The following CTBS variants were observed in gnomAD, a reference collection of about 807,000 sequenced individuals.
CTBS encodes chitobiase.
Under a neutral mutation model 44.3 loss-of-function variants are expected in CTBS, and 35 were observed. The observed-to-expected ratio is 0.79, with a 90% CI of 0.60 to 1.05. The LOEUF (loss-of-function observed/expected upper bound fraction) is 1.05. CTBS is among the 50% of genes least tolerant of loss of function. The probability of loss-of-function intolerance (pLI) is 0.00; values close to 1 mark genes in which losing one functional copy is unlikely to be tolerated. For missense variants in CTBS, 458 were observed against 475.3 expected (o/e 0.96, Z 0.34); for synonymous variants, 143 against 168.0 (o/e 0.85, Z 1.15).
At position 84,560,093 on chromosome 1, in the gene CTBS, AAAAAAAAGAAAGAAAG is replaced by A. The variant is rs1457791635; in HGVS notation, c.957+3148_957+3163del. On this transcript the variant is annotated intron_variant, in intron 6 of 6. Transcript: ENST00000370630. ...AGCAAGACTCTGTCTCAAAAAAAAAAAAAAAAAGAAAGAAAGAAAGAAAGAAAGAAAGAAAGAAAGG... is the reference window on the plus strand; with the variant it reads ...AGCAAGACTCTGTCTCAAAAAAAAAAAAAGAAAGAAAGAAAGAAAGAAAGG... Among the ~76,000 whole-genome samples the A allele has an allele frequency of 3.1e-5, 4 of 131,138 alleles. 1 individual carries two copies. The Middle Eastern group carries it at 0.011, about 375-fold the overall frequency. The allele number at this position is 131,138 out of a possible 152,430, so 86.0% of individuals were successfully genotyped here. A position where few individuals can be genotyped will look rare whatever the true frequency, so the allele number is the denominator to read the frequency against.
At chr1:84,557,874 G>A (rs899861591) in intron 6 of CTBS, among the ~76,000 whole-genome samples, 2 of 150,210 alleles carry the variant, frequency 1.3e-5, no homozygotes, top group Non-Finnish European at 3.0e-5. Flanking sequence ...AAAAAAAAGA[G>A]GAAGGAAACA....
intron 1 of CTBS, among the ~76,000 whole-genome samples, chr1:84,572,437 TA>T (rs563827329): frequency 0.061 from 8,609 of 141,018 alleles, 300 homozygotes; most frequent in Non-Finnish European, 0.082. Flanking sequence ...CAGATATCCT[TA>T]AAAAAAAAAA....
rs755196334 is a variant in CTBS at position 84,570,667 on chromosome 1, C to T, written c.231G>A (p.Gln77=). 1.2e-6 allele frequency: 2 copies of T among 1,614,024 alleles called. No homozygotes were observed. The highest frequency in any genetic ancestry group is 1.7e-6 in the Non-Finnish European group (2 of 1,179,892). The change falls in exon 2 of 7, where the codon CAG becomes CAA. Residue 77 remains glutamine, a synonymous_variant. Transcript: ENST00000370630. ...QKTWKSYDWS[Q]ITTVATFGKY... Reference sequence around the variant, plus strand: ...TTCCAAATGTTGCCACAGTTGTAATCTGTGACCAATCATAAGATTTCCAAG... The same window carrying T: ...TTCCAAATGTTGCCACAGTTGTAATTTGTGACCAATCATAAGATTTCCAAG...
In CTBS at chr1:84,570,644, C is replaced by G. The variant is rs1647275746; in HGVS notation, c.254G>C (p.Gly85Ala). The G allele has an allele frequency of 6.2e-7, 1 of 1,613,946 alleles. No homozygotes were observed. The highest frequency in any genetic ancestry group is 8.5e-7 in the Non-Finnish European group (1 of 1,179,852). Reference sequence around the variant, plus strand: ...GCACATAAGTTCTGAGTCATATTTTCCAAATGTTGCCACAGTTGTAATCTG... The same window carrying G: ...GCACATAAGTTCTGAGTCATATTTTGCAAATGTTGCCACAGTTGTAATCTG... Reference protein sequence around the residue: ...WSQITTVATFGKYDSELMCYA... With the variant: ...WSQITTVATFAKYDSELMCYA... Residue 85 changes from glycine (G) to alanine (A), a missense_variant, in exon 2 of 7, where the codon GGA becomes GCA. By Grantham distance (60) the Gly-to-Ala change is moderately conservative. Coordinates refer to ENST00000370630, the MANE Select transcript of CTBS (RefSeq NM_004388.3).
rs923292302 is a variant in CTBS at position 84,553,025 on chromosome 1, C to T, written c.*1974G>A. 20 of 1,494,426 alleles carry T rather than the reference C, an allele frequency of 1.3e-5. No homozygotes were observed. Among genetic ancestry groups the T allele is most frequent in the Non-Finnish European group, 1.7e-5 (19 of 1,115,814 alleles). The allele number at this position is 1,494,426 out of a possible 1,614,324, so 92.6% of individuals were successfully genotyped here. The stretch of plus-strand genomic sequence containing the variant: ...TGAAGTTCATTTTTGAAAAGTAATT[C>T]TTTTTATAGATGAGAAAACAAGCAG... On this transcript the variant is annotated 3_prime_UTR_variant, in exon 7 of 7. Coordinates refer to ENST00000370630, the MANE Select transcript of CTBS (RefSeq NM_004388.3).
Position 84,552,798 on chromosome 1 carries a change from A to C in CTBS, c.*2201T>G. ...AGAACAGTTCAATTGTATTGTCCCT[A>C]TCTACTCATAAACAAGGTTACCTTA... On this transcript the variant is annotated 3_prime_UTR_variant, in exon 7 of 7. Transcript: ENST00000370630. 1 of 365,884 alleles carries C rather than the reference A, an allele frequency of 2.7e-6. No individual in the cohort carries two copies. The highest frequency in any genetic ancestry group is 4.9e-6 in the Non-Finnish European group (1 of 203,366). 22.7% of individuals were successfully genotyped at this position (365,884 alleles called of 1,614,324 possible).
rs1684314214 is a variant in CTBS at position 84,552,715 on chromosome 1, A to T, written c.*2284T>A. On this transcript the variant is annotated 3_prime_UTR_variant, in exon 7 of 7. Coordinates refer to ENST00000370630, the MANE Select transcript of CTBS (RefSeq NM_004388.3). ...TTTTCACTATTTTCTTTACACATTG[A>T]GAACAACAGGTTTTGAAGTTTAAGC... 5.3e-6 allele frequency: 1 copy of T among 189,176 alleles called. No individual in the cohort carries two copies. Among genetic ancestry groups the T allele is most frequent in the African/African-American group, 2.3e-5 (1 of 42,798 alleles). The allele number at this position is 189,176 out of a possible 1,614,324, so 11.7% of individuals were successfully genotyped here.
At chr1:84,568,598 A>C (rs1235339377) in intron 3 of CTBS, among the ~76,000 whole-genome samples, 2 of 152,214 alleles carry the variant, frequency 1.3e-5, no homozygotes, top group Non-Finnish European at 2.9e-5. Context: ...GCTCTATCCC[A>C]GACCTACTGA....
At chr1:84,560,148 A>G (rs986350969) in intron 6 of CTBS, among the ~76,000 whole-genome samples, 1 of 151,464 alleles carries the variant, frequency 6.6e-6, no homozygotes, top group Admixed American at 6.6e-5. Flanking sequence ...GAAAGAAAGA[A>G]AGAGAAACTA....
In CTBS at chr1:84,553,102, T is replaced by C. The variant is rs914029894; in HGVS notation, c.*1897A>G. The C allele has an allele frequency of 2.0e-6, 3 of 1,513,680 alleles. No homozygotes were observed. The highest frequency in any genetic ancestry group is 2.8e-5 in the African/African-American group (2 of 71,086). 93.8% of individuals were successfully genotyped at this position (1,513,680 alleles called of 1,614,324 possible). ...GAACTGGCACAGAAAAAAAAAATAA[T>C]ACATCTCTACAATCTCAATTAGGTA... On this transcript the variant is annotated 3_prime_UTR_variant, in exon 7 of 7. Coordinates refer to ENST00000370630, the MANE Select transcript of CTBS (RefSeq NM_004388.3).
At chr1:84,558,364 A>G (rs1368088800) in intron 6 of CTBS, among the ~76,000 whole-genome samples, 1 of 148,684 alleles carries the variant, frequency 6.7e-6, no homozygotes, top group South Asian at 2.1e-4. Context: ...ATCTCGGCTC[A>G]CTGCAAGCTC....
intron 6 of CTBS, among the ~76,000 whole-genome samples, chr1:84,561,710 A>T (rs998355968): frequency 6.6e-6 from 1 of 152,202 alleles, no homozygotes; most frequent in Non-Finnish European, 1.5e-5. Context: ...CACCACCCTG[A>T]TCAGTCAGCA....
At chr1:84,570,217 A>G in intron 2 of CTBS, 78 bp from the exon 3 acceptor site, 1 of 1,195,182 alleles carries the variant, frequency 8.4e-7, no homozygotes. Flanking sequence ...CCTTAACTGA[A>G]GTTTTCCAAT....
At chr1:84,563,057 A>G (rs1684624052) in intron 6 of CTBS, among the ~76,000 whole-genome samples, 200 bp downstream of exon 6, 1 of 152,228 alleles carries the variant, frequency 6.6e-6, no homozygotes, top group Admixed American at 6.5e-5. Flanking sequence ...TAGATTCACC[A>G]TTAGCAAAAC....
rs951674735 is a variant in CTBS at position 84,552,023 on chromosome 1, G to C, written c.*2976C>G. On this transcript the variant is annotated 3_prime_UTR_variant, in exon 7 of 7. Transcript: ENST00000370630. ...AAAACAGTAAGGACAAGTGGAATAA[G>C]AGGAAAAAAAGAGAACAAAGTTTTC... The C allele has an allele frequency of 6.6e-6, 1 of 152,030 alleles. No homozygotes were observed. The highest frequency in any genetic ancestry group is 1.5e-5 in the Non-Finnish European group (1 of 67,974). The allele number at this position is 152,030 out of a possible 1,614,324, so 9.4% of individuals were successfully genotyped here.
rs1558619906 is a variant in CTBS at position 84,553,939 on chromosome 1, A to G, written c.*1060T>C. 2 of 152,202 alleles carry G rather than the reference A, an allele frequency of 1.3e-5. No individual in the cohort carries two copies. Among genetic ancestry groups the G allele is most frequent in the Admixed American group, 6.5e-5 (1 of 15,276 alleles). 9.4% of individuals were successfully genotyped at this position (152,202 alleles called of 1,614,324 possible). A position where few individuals can be genotyped will look rare whatever the true frequency, so the allele number is the denominator to read the frequency against. Reference sequence around the variant, plus strand: ...CATTTAGAAAACTTATTTGTATAAAATTGATCTTTTAGAAAGAGAACTAGT... The same window carrying G: ...CATTTAGAAAACTTATTTGTATAAAGTTGATCTTTTAGAAAGAGAACTAGT... On this transcript the variant is annotated 3_prime_UTR_variant, in exon 7 of 7. Transcript: ENST00000370630.
intron 6 of CTBS, among the ~76,000 whole-genome samples, chr1:84,560,892 T>G (rs1477063153): frequency 6.6e-6 from 1 of 152,210 alleles, no homozygotes; most frequent in Non-Finnish European, 1.5e-5. Flanking sequence ...AAAAGAGATT[T>G]CTTTCAAAAT....
Position 84,574,357 on chromosome 1 carries a change from G to A in CTBS, c.59C>T (p.Pro20Leu), listed in dbSNP as rs1405304360. 2 of 1,569,688 alleles carry A rather than the reference G, an allele frequency of 1.3e-6. No homozygotes were observed. Among genetic ancestry groups the A allele is most frequent in the African/African-American group, 2.7e-5 (2 of 73,614 alleles). ...CAGCAGCGCCAGCAGCGCTAGACCC[G>A]GGACGCCGCTCGGCGGGCTAGAGAC... ...RLVSSPPSGV[P>L]GLALLALLAL... is the part of the protein sequence containing the mutation. The change falls in exon 1 of 7, where the codon CCG (proline) becomes CTG (leucine). Residue 20 changes from proline (P) to leucine (L), a missense_variant. By Grantham distance (98) the Pro-to-Leu change is moderately conservative. Transcript: ENST00000370630.
At chr1:84,567,404 C>T (rs1446103806) in intron 3 of CTBS, among the ~76,000 whole-genome samples, 1 of 152,106 alleles carries the variant, frequency 6.6e-6, no homozygotes, top group African/African-American at 2.4e-5. Context: ...GTGTTTTCAC[C>T]AGGATTTTCT....
Sources: gnomAD v4.1 joint callset for allele counts (sites outside exome capture counted in the v4.1 genomes callset) on GRCh38, gnomAD v4.1.1 for gene constraint, MANE v1.5 for transcripts, NCBI Gene and HGNC (gene_info 2026-07-23, HGNC 2026-07-21) for gene names.